GRIN2B: variants seen among roughly 807,000 people sequenced by gnomAD.
The protein encoded by GRIN2B is glutamate ionotropic receptor NMDA type subunit 2B, also known as glutamate receptor ionotropic, NMDA 2B.
In GRIN2B, 5 loss-of-function variants were observed where a neutral mutation model predicts 114.5. The observed-to-expected ratio is 0.04, with a 90% CI of 0.02 to 0.09. GRIN2B has a LOEUF of 0.09. GRIN2B is among the 10% of genes least tolerant of loss of function. GRIN2B has a pLI of 1.00. For missense variants in GRIN2B, 1,108 were observed against 1,943.5 expected (o/e 0.57, Z 8.08); for synonymous variants, 787 against 745.1 (o/e 1.06, Z -0.92).
chr12:13,925,298 G>A (rs75198832), intron 2 of GRIN2B, among the ~76,000 whole-genome samples: 4,531 of 152,156 alleles, frequency 0.03, 212 homozygotes, highest in African/African-American at 0.097. Flanking sequence ...CCTATTTTAC[G>A]AAGCATAACA....
intron 2 of GRIN2B, among the ~76,000 whole-genome samples, chr12:13,885,870 T>C (rs1866148021): frequency 6.6e-6 from 1 of 152,176 alleles, no homozygotes. Context: ...CAAAATAAAA[T>C]CTGCAAGCAA....
At chr12:13,569,672 C>CA (rs1332320158) in intron 12 of GRIN2B, among the ~76,000 whole-genome samples, 158 bp downstream of exon 12, 2 of 152,106 alleles carry the variant, frequency 1.3e-5, no homozygotes, top group Non-Finnish European at 2.9e-5. Flanking sequence ...GTTATGGCAG[C>CA]AATAGGAAAC....
intron 4 of GRIN2B, among the ~76,000 whole-genome samples, chr12:13,699,761 G>T (rs1000584368): frequency 1.2e-4 from 18 of 151,710 alleles, no homozygotes; most frequent in African/African-American, 2.4e-5. Context: ...GCTAATTTTT[G>T]TATTTTTAGT....
chr12:13,704,729 C>T (rs1368830796), intron 4 of GRIN2B, among the ~76,000 whole-genome samples: 1 of 152,168 alleles, frequency 6.6e-6, no homozygotes, highest in Non-Finnish European at 1.5e-5. Flanking sequence ...ACAGCATCTG[C>T]CTCACAGCAT....
At chr12:13,851,374 A>G (rs76649148) in intron 3 of GRIN2B, among the ~76,000 whole-genome samples, 3,141 of 151,746 alleles carry the variant, frequency 0.021, 60 homozygotes, top group Non-Finnish European at 0.034. Flanking sequence ...CTTAATCTTT[A>G]TTAAGCATTC....
chr12:13,575,688 TAATAATAATCAA>T (rs1423017976), intron 10 of GRIN2B, among the ~76,000 whole-genome samples: 6 of 150,564 alleles, frequency 4.0e-5, no homozygotes, highest in African/African-American at 1.5e-4. Context: ...ATAATAATAA[TAATAATAATCAA>T]AATAATCAGA....
At chr12:13,607,333 TA>T (rs1949278408) in intron 10 of GRIN2B, among the ~76,000 whole-genome samples, 1 of 53,854 alleles carries the variant, frequency 1.9e-5, no homozygotes, top group African/African-American at 7.5e-5. Context: ...ATATAATATA[TA>T]TTATATATAA....
chr12:13,949,175 A>C (rs1268924830), intron 2 of GRIN2B, among the ~76,000 whole-genome samples: 1 of 152,144 alleles, frequency 6.6e-6, no homozygotes, highest in Non-Finnish European at 1.5e-5. Flanking sequence ...TGAAGAACCC[A>C]TAGTTCCTGG....
chr12:13,858,637 C>T (rs1341579798), intron 3 of GRIN2B, among the ~76,000 whole-genome samples: 1 of 152,020 alleles, frequency 6.6e-6, no homozygotes, highest in Non-Finnish European at 1.5e-5. Flanking sequence ...CCACCTAGTA[C>T]CACGAATATT....
At chr12:13,605,463 G>A (rs1161328255) in intron 10 of GRIN2B, among the ~76,000 whole-genome samples, 1 of 151,562 alleles carries the variant, frequency 6.6e-6, no homozygotes, top group Non-Finnish European at 1.5e-5. Flanking sequence ...CCAAGCATTG[G>A]CCAATGAGAC....
rs59852695 is a variant in GRIN2B, at chr12:13,796,082, T to TAA, written c.412-42169_412-42168dup. On this transcript the variant is annotated intron_variant, in intron 3 of 13. Transcript: ENST00000609686. ...TGTACCCTAGAACTTAAAGTATAAT[T>TAA]AAAAAAAAAAAAAAAGAAACAGCTT... Among the ~76,000 whole-genome samples, 445 of 141,210 alleles carry TAA rather than the reference T, an allele frequency of 3.2e-3. 6 individuals are homozygous for TAA. The highest frequency in any genetic ancestry group is 0.011 in the East Asian group (54 of 4,908). The allele number at this position is 141,210 out of a possible 152,430, so 92.6% of individuals were successfully genotyped here.
At chr12:13,935,182 C>T (rs557249675) in intron 2 of GRIN2B, among the ~76,000 whole-genome samples, 13 of 152,150 alleles carry the variant, frequency 8.5e-5, no homozygotes, top group Admixed American at 7.9e-4. Context: ...AAGCTTGACC[C>T]TGTCATAGCT....
At chr12:13,729,797 C>T (rs1346602633) in intron 4 of GRIN2B, among the ~76,000 whole-genome samples, 5 of 121,856 alleles carry the variant, frequency 4.1e-5, no homozygotes, top group African/African-American at 1.6e-4. Flanking sequence ...GTAGGGTGGG[C>T]GAGACAAAGA....
intron 3 of GRIN2B, among the ~76,000 whole-genome samples, chr12:13,785,163 T>C (rs896640188): frequency 2.0e-5 from 3 of 152,216 alleles, no homozygotes; most frequent in Non-Finnish European, 4.4e-5. Flanking sequence ...ATGTGTCATT[T>C]CCCTGTTCCC....
Position 13,753,177 on chromosome 12 carries a change from A to T in GRIN2B, c.1010+140T>A. Reference sequence around the variant, plus strand: ...GATCCAAAACACTCCCCCAATCATGACCAATTGCCATGCCCAAGGCCAGGC... The same window carrying T: ...GATCCAAAACACTCCCCCAATCATGTCCAATTGCCATGCCCAAGGCCAGGC... On this transcript the variant is annotated intron_variant, in intron 4 of 13. Coordinates refer to ENST00000609686, the MANE Select transcript of GRIN2B (RefSeq NM_000834.5). The surrounding 1 kb of genome is among the most constrained non-coding windows in gnomAD (Gnocchi z 6.2). 1.3e-6 allele frequency: 1 copy of T among 761,160 alleles called. No homozygotes were observed. The allele number at this position is 761,160 out of a possible 1,614,324, so 47.2% of individuals were successfully genotyped here.
chr12:13,572,113 A>T (rs946603726), intron 10 of GRIN2B, 149 bp from the exon 11 acceptor site: 8 of 680,372 alleles, frequency 1.2e-5, no homozygotes, highest in African/African-American at 1.1e-4. Context: ...CACCGAATAC[A>T]TTAGCCCTCA....
intron 3 of GRIN2B, among the ~76,000 whole-genome samples, chr12:13,774,301 G>A (rs1442802453): frequency 6.6e-6 from 1 of 152,180 alleles, no homozygotes; most frequent in Admixed American, 6.5e-5. Flanking sequence ...TTGCTAGTGG[G>A]TTTTTATCAA....
intron 3 of GRIN2B, among the ~76,000 whole-genome samples, chr12:13,815,950 C>T (rs1044094422): frequency 1.3e-5 from 2 of 152,022 alleles, no homozygotes; most frequent in African/African-American, 4.8e-5. Context: ...GAACCAAATA[C>T]ATGCACATGT....
intron 3 of GRIN2B, among the ~76,000 whole-genome samples, chr12:13,852,703 A>AAC (rs1265096407): frequency 6.6e-6 from 1 of 151,652 alleles, no homozygotes; most frequent in African/African-American, 2.4e-5. Context: ...AAAAAAAAAA[A>AAC]AAAAAAACAG....
Sources: allele counts gnomAD v4.1 joint callset (sites outside exome capture counted in the v4.1 genomes callset), GRCh38; gene constraint gnomAD v4.1.1; non-coding constraint Gnocchi (gnomAD v3.1); transcripts MANE v1.5; gene names NCBI Gene and HGNC (gene_info 2026-07-23, HGNC 2026-07-21).